GRM8: variants seen among roughly 807,000 people sequenced by gnomAD.
The protein encoded by GRM8 is metabotropic glutamate receptor 8.
GRM8 carries 47 observed loss-of-function variants against 87.2 expected under a neutral mutation model. The observed-to-expected ratio is 0.54, with a 90% CI of 0.43 to 0.69. The LOEUF is 0.69. GRM8 is among the 30% of genes least tolerant of loss of function. GRM8 has a pLI of 0.00. For synonymous variants in GRM8, 396 were observed against 404.5 expected, an observed-to-expected ratio of 0.98 and a Z score of 0.25; for missense variants, 1,019 against 1,139.2, an observed-to-expected ratio of 0.89 and a Z score of 1.52.
intron 9 of GRM8, among the ~76,000 whole-genome samples, chr7:126,525,940 T>C (rs1297575245): frequency 6.6e-6 from 1 of 152,222 alleles, no homozygotes; most frequent in African/African-American, 2.4e-5. Flanking sequence ...GAATTTATTT[T>C]AGATAGCCCG....
intron 7 of GRM8, among the ~76,000 whole-genome samples, chr7:126,762,491 T>A (rs1268486880): frequency 6.6e-6 from 1 of 152,062 alleles, no homozygotes; most frequent in African/African-American, 2.4e-5. Context: ...TACAGCATAT[T>A]TGAAAAAACA....
intron 7 of GRM8, among the ~76,000 whole-genome samples, chr7:126,614,867 G>A (rs1388863433): frequency 1.3e-5 from 2 of 152,186 alleles, no homozygotes; most frequent in East Asian, 3.8e-4. Flanking sequence ...AGAAATACGG[G>A]ACTATGTGAA....
At chr7:126,527,886 C>T (rs1814114689) in intron 9 of GRM8, among the ~76,000 whole-genome samples, 1 of 152,192 alleles carries the variant, frequency 6.6e-6, no homozygotes, top group African/African-American at 2.4e-5. Flanking sequence ...GTAAGATCTA[C>T]TCTTCGGGCA....
At position 126,604,727 on chromosome 7, in the gene GRM8, C is replaced by T. The variant is rs1193930203; in HGVS notation, c.1494+4635G>A. 7.9e-5 allele frequency among the ~76,000 whole-genome samples: 12 copies of T among 152,258 alleles called. No individual in the cohort carries two copies. In the East Asian group the frequency reaches 1.9e-3, roughly 24 times the overall value. ...TTTTCTTGATCACCATATTACAATG[C>T]ATCTACTATTCATAATAATATCTAT... On this transcript the variant is annotated intron_variant, in intron 8 of 10. Coordinates refer to ENST00000339582, the MANE Select transcript of GRM8 (RefSeq NM_000845.3).
chr7:127,066,886 T>G (rs1433686354), intron 3 of GRM8, among the ~76,000 whole-genome samples: 1 of 152,196 alleles, frequency 6.6e-6, no homozygotes, highest in Non-Finnish European at 1.5e-5. Context: ...TGACAACATG[T>G]GGTGCTTAAT....
intron 2 of GRM8, among the ~76,000 whole-genome samples, chr7:127,230,644 G>A (rs1210270668): frequency 6.6e-6 from 1 of 152,092 alleles, no homozygotes; most frequent in Non-Finnish European, 1.5e-5. Flanking sequence ...CATAAGCGTG[G>A]AGCCCTTGTA....
rs906890697 is a variant in GRM8, at chr7:127,234,358, T to C, written c.510+8337A>G. 2.0e-5 allele frequency among the ~76,000 whole-genome samples: 3 copies of C among 152,192 alleles called. No homozygotes were observed. The East Asian group carries it at 5.8e-4, about 29-fold the overall frequency. On this transcript the variant is annotated intron_variant, in intron 2 of 10. Transcript: ENST00000339582. ...TTAAGAAATTGTGTTTAAGTGACCA[T>C]TGCACTGATCATTATTCATGAGCTA...
At chr7:126,795,997 C>G (rs1209955252) in intron 6 of GRM8, among the ~76,000 whole-genome samples, 1 of 152,000 alleles carries the variant, frequency 6.6e-6, no homozygotes, top group Non-Finnish European at 1.5e-5. Context: ...AACATTTTCT[C>G]AAGAAGAATT....
At chr7:126,964,808 G>T (rs1809675840) in intron 3 of GRM8, among the ~76,000 whole-genome samples, 1 of 152,006 alleles carries the variant, frequency 6.6e-6, no homozygotes, top group Non-Finnish European at 1.5e-5. Context: ...TCCATTACTG[G>T]GTATATACCC....
At chr7:126,943,785 G>A (rs904560397) in intron 3 of GRM8, among the ~76,000 whole-genome samples, 1 of 152,170 alleles carries the variant, frequency 6.6e-6, no homozygotes, top group African/African-American at 2.4e-5. Context: ...AGTCAGCCTT[G>A]AGCTCAATCG....
intron 6 of GRM8, among the ~76,000 whole-genome samples, chr7:126,780,005 A>G (rs1345154758): frequency 6.6e-6 from 1 of 152,246 alleles, no homozygotes; most frequent in Non-Finnish European, 1.5e-5. Flanking sequence ...CACCTTATGT[A>G]GTAAATAAAT....
intron 6 of GRM8, among the ~76,000 whole-genome samples, chr7:126,807,051 T>C (rs953880109): frequency 1.3e-5 from 2 of 152,172 alleles, no homozygotes; most frequent in African/African-American, 4.8e-5. Flanking sequence ...TGTTGTCACC[T>C]CTCACTACCA....
intron 9 of GRM8, among the ~76,000 whole-genome samples, chr7:126,476,699 A>G (rs1391973816): frequency 4.6e-5 from 7 of 152,192 alleles, no homozygotes; most frequent in African/African-American, 4.8e-5. Context: ...ATGACACATT[A>G]CCTCACAACT....
At chr7:127,023,469 A>G (rs1338847480) in intron 3 of GRM8, among the ~76,000 whole-genome samples, 1 of 152,100 alleles carries the variant, frequency 6.6e-6, no homozygotes, top group Admixed American at 6.6e-5. Context: ...AGACACTGAA[A>G]ATACTTTCCA....
intron 6 of GRM8, among the ~76,000 whole-genome samples, chr7:126,841,635 T>A (rs74992652): frequency 0.052 from 7,891 of 151,576 alleles, 494 homozygotes; most frequent in African/African-American, 0.15. Context: ...GATTATTATT[T>A]TTTTTTTTTT....
intron 8 of GRM8, among the ~76,000 whole-genome samples, chr7:126,567,991 A>C (rs1794384010): frequency 6.6e-6 from 1 of 152,190 alleles, no homozygotes; most frequent in South Asian, 2.1e-4. Context: ...AAGCTATGGA[A>C]TCTGCACTCA....
intron 3 of GRM8, among the ~76,000 whole-genome samples, chr7:126,916,579 C>G (rs919599215): frequency 6.6e-6 from 1 of 152,214 alleles, no homozygotes; most frequent in African/African-American, 2.4e-5. Context: ...CTCTTCTACT[C>G]AGCACCAAGT....
At chr7:126,721,889 G>A (rs1039457769) in intron 7 of GRM8, among the ~76,000 whole-genome samples, 1 of 151,978 alleles carries the variant, frequency 6.6e-6, no homozygotes, top group Non-Finnish European at 1.5e-5. Context: ...TAGCTGTTCT[G>A]ATTTTTTTGT....
chr7:126,844,970 C>T (rs1261211792), intron 6 of GRM8, among the ~76,000 whole-genome samples: 1 of 152,172 alleles, frequency 6.6e-6, no homozygotes, highest in African/African-American at 2.4e-5. Context: ...TTAGCCCTTG[C>T]CTATCACAAA....
Sources: allele counts gnomAD v4.1 joint callset (sites outside exome capture counted in the v4.1 genomes callset), GRCh38; gene constraint gnomAD v4.1.1; transcripts MANE v1.5; gene names NCBI Gene and HGNC (gene_info 2026-07-23, HGNC 2026-07-21).